Variants in DAB1 observed in about 807,000 individuals in gnomAD.
The protein encoded by DAB1 is DAB adaptor protein 1.
A neutral mutation model predicts 64.6 loss-of-function variants in DAB1; 15 were observed. The observed-to-expected ratio is 0.23, with a 90% CI of 0.16 to 0.36. The LOEUF (loss-of-function observed/expected upper bound fraction) is 0.36, where lower values mean the gene tolerates loss of function less well. Among genes scored for constraint, DAB1 ranks in the 10% least tolerant of loss-of-function variants. DAB1 has a pLI of 1.00. For missense variants in DAB1, 596 were observed against 706.7 expected (o/e 0.84, Z 1.78); for synonymous variants, 235 against 251.9 (o/e 0.93, Z 0.64).
chr1:58,004,881 A>G (rs1207680694), intron 5 of DAB1, among the ~76,000 whole-genome samples: 1 of 152,104 alleles, frequency 6.6e-6, no homozygotes, highest in African/African-American at 2.4e-5. Context: ...AAGAGTGGAA[A>G]ACAAACACAT....
chr1:58,481,024 T>G (rs1479011191), intron 3 of DAB1: 4 of 871,780 alleles, frequency 4.6e-6, no homozygotes, highest in Non-Finnish European at 6.0e-6. Context: ...TGTTTTTGAA[T>G]AGGAAGAGTA....
intron 4 of DAB1, among the ~76,000 whole-genome samples, chr1:57,106,410 A>T (rs1422112977): frequency 1.3e-5 from 2 of 152,228 alleles, no homozygotes; most frequent in East Asian, 1.9e-4. Context: ...GCTTCATCAC[A>T]GATTTTAGGT....
At chr1:57,599,104 C>T (rs1645545930) in intron 7 of DAB1, among the ~76,000 whole-genome samples, 1 of 151,456 alleles carries the variant, frequency 6.6e-6, no homozygotes, top group Non-Finnish European at 1.5e-5. Context: ...GAATTCATAC[C>T]TGCTAAAAGT....
chr1:57,147,093 C>T (rs1209697139), intron 2 of DAB1, among the ~76,000 whole-genome samples: 6 of 150,912 alleles, frequency 4.0e-5, no homozygotes, highest in South Asian at 2.1e-4. Flanking sequence ...CACAGTGGCG[C>T]GATCACAGCT....
chr1:57,340,228 AC>A (rs1362965179), intron 1 of DAB1, among the ~76,000 whole-genome samples: 2 of 152,224 alleles, frequency 1.3e-5, no homozygotes, highest in African/African-American at 4.8e-5. Context: ...AAAACACCAA[AC>A]AAAAATGCAG....
At chr1:58,509,655 T>C (rs549818549) in intron 2 of DAB1, among the ~76,000 whole-genome samples, 2 of 139,850 alleles carry the variant, frequency 1.4e-5, no homozygotes, top group African/African-American at 5.2e-5. Context: ...ATAATAAAGA[T>C]TAGAGCATAA....
chr1:57,395,007 C>A (rs1174846256), intron 1 of DAB1, among the ~76,000 whole-genome samples: 1 of 152,064 alleles, frequency 6.6e-6, no homozygotes, highest in Non-Finnish European at 1.5e-5. Context: ...AAGGAACAAA[C>A]AATTACTAAT....
chr1:58,484,067 C>T (rs1326991445), intron 3 of DAB1, among the ~76,000 whole-genome samples: 1 of 152,196 alleles, frequency 6.6e-6, no homozygotes, highest in Non-Finnish European at 1.5e-5. Context: ...AAACTCTTCT[C>T]TTATCCTTAA....
At chr1:57,902,552 G>T (rs150420248) in intron 5 of DAB1, among the ~76,000 whole-genome samples, 1 of 152,284 alleles carries the variant, frequency 6.6e-6, no homozygotes, top group African/African-American at 2.4e-5. Flanking sequence ...GCCATGTTTT[G>T]CATTTAATTG....
At chr1:57,279,544 A>G (rs1157077678) in intron 2 of DAB1, among the ~76,000 whole-genome samples, 1 of 152,182 alleles carries the variant, frequency 6.6e-6, no homozygotes, top group Non-Finnish European at 1.5e-5. Flanking sequence ...AGCATCATTC[A>G]CAATAGCCAA....
At chr1:57,766,663 T>C (rs1649325609) in intron 6 of DAB1, among the ~76,000 whole-genome samples, 1 of 151,804 alleles carries the variant, frequency 6.6e-6, no homozygotes, top group African/African-American at 2.4e-5. Context: ...TTTGTTTCTC[T>C]AGTCATCTAG....
At chr1:58,213,628 A>G (rs1168140215) in intron 4 of DAB1, among the ~76,000 whole-genome samples, 1 of 152,134 alleles carries the variant, frequency 6.6e-6, no homozygotes, top group Non-Finnish European at 1.5e-5. Flanking sequence ...TCCCTCCCAC[A>G]ACACCTGGGG....
chr1:58,180,287 T>C (rs1383746465), intron 4 of DAB1, among the ~76,000 whole-genome samples: 3 of 37,202 alleles, frequency 8.1e-5, no homozygotes, highest in Non-Finnish European at 3.4e-4. Flanking sequence ...TTTTCTTTTT[T>C]TTTTTTTTTT....
At chr1:58,065,728 C>T (rs1399501519) in intron 5 of DAB1, among the ~76,000 whole-genome samples, 1 of 152,052 alleles carries the variant, frequency 6.6e-6, no homozygotes, top group Non-Finnish European at 1.5e-5. Flanking sequence ...TTGGAATCTA[C>T]ATCTGTGGAG....
intron 5 of DAB1, chr1:58,049,182 T>C: frequency 6.5e-6 from 5 of 772,076 alleles, no homozygotes; most frequent in Non-Finnish European, 1.2e-5. Flanking sequence ...GAGCGTTCCC[T>C]ATTGCTCAAA....
intron 5 of DAB1, among the ~76,000 whole-genome samples, chr1:57,890,569 C>T (rs1444267221): frequency 6.6e-6 from 1 of 151,712 alleles, no homozygotes; most frequent in Non-Finnish European, 1.5e-5. Flanking sequence ...AATCCTCTTC[C>T]ATCAGCCTCT....
intron 3 of DAB1, among the ~76,000 whole-genome samples, chr1:58,365,575 T>C (rs1248645067): frequency 6.6e-6 from 1 of 152,200 alleles, no homozygotes; most frequent in African/African-American, 2.4e-5. Context: ...GGTTGACCAA[T>C]GCTTTATTGA....
chr1:57,291,548 T>C (rs1433020298), intron 1 of DAB1, among the ~76,000 whole-genome samples: 1 of 152,150 alleles, frequency 6.6e-6, no homozygotes, highest in East Asian at 1.9e-4. Context: ...TCAGCCAAGC[T>C]TGATCAGCAC....
chr1:57,843,338 T>C (rs755165483), intron 1 of DAB1, among the ~76,000 whole-genome samples: 6 of 152,202 alleles, frequency 3.9e-5, no homozygotes, highest in Non-Finnish European at 8.8e-5. Context: ...TTTAGATTTA[T>C]GCTCAGTCAA....
Sources: allele counts gnomAD v4.1 joint callset (sites outside exome capture counted in the v4.1 genomes callset), GRCh38; gene constraint gnomAD v4.1.1; transcripts MANE v1.5; gene names NCBI Gene and HGNC (gene_info 2026-07-23, HGNC 2026-07-21).